RPAP2: variants seen among roughly 807,000 people sequenced by gnomAD.
The protein encoded by RPAP2 is RNA polymerase II associated protein 2.
RPAP2 carries 52 observed loss-of-function variants against 73.1 expected under a neutral mutation model. The observed-to-expected ratio is 0.71, with a 90% CI of 0.57 to 0.90. RPAP2 has a LOEUF of 0.90. Among genes scored for constraint, RPAP2 ranks in the 40% least tolerant of loss-of-function variants. RPAP2 has a pLI of 0.00. For synonymous variants in RPAP2, 225 were observed against 242.1 expected, an observed-to-expected ratio of 0.93 and a Z score of 0.65; for missense variants, 598 against 701.8, an observed-to-expected ratio of 0.85 and a Z score of 1.67.
chr1:92,300,928 CAA>C (rs1650806088), intron 2 of RPAP2, among the ~76,000 whole-genome samples: 1 of 152,002 alleles, frequency 6.6e-6, no homozygotes, highest in African/African-American at 2.4e-5. Context: ...TTAACATAAA[CAA>C]ATACATAATT....
intron 11 of RPAP2, among the ~76,000 whole-genome samples, chr1:92,350,612 A>G (rs1654152734): frequency 6.6e-6 from 1 of 152,234 alleles, no homozygotes; most frequent in Non-Finnish European, 1.5e-5. Flanking sequence ...TTGATGCATG[A>G]CTTTTAATAA....
At chr1:92,313,296 G>A (rs886390435) in intron 6 of RPAP2, among the ~76,000 whole-genome samples, 1 of 152,184 alleles carries the variant, frequency 6.6e-6, no homozygotes, top group African/African-American at 2.4e-5. Flanking sequence ...CTTAAGACTT[G>A]AAAGTTGAAA....
chr1:92,371,652 T>C (rs1655158787), intron 11 of RPAP2, among the ~76,000 whole-genome samples: 1 of 151,732 alleles, frequency 6.6e-6, no homozygotes, highest in African/African-American at 2.4e-5. Context: ...CATAGGTGAA[T>C]CTGGAGGATG....
chr1:92,328,871 G>C (rs1276371583), intron 8 of RPAP2, among the ~76,000 whole-genome samples: 1 of 152,182 alleles, frequency 6.6e-6, no homozygotes, highest in African/African-American at 2.4e-5. Context: ...TTCCCCTAGG[G>C]ATGGGGCTTC....
rs1185689710 is a variant in RPAP2, at chr1:92,401,933, C to T, written c.*14922C>T. ...TTTCCTCTTTGTAAATTGCTGTATTCATTTTAGTTTCTTCAGGATTTTGCC... is the reference window on the plus strand; with the variant it reads ...TTTCCTCTTTGTAAATTGCTGTATTTATTTTAGTTTCTTCAGGATTTTGCC... On this transcript the variant is annotated 3_prime_UTR_variant, in exon 13 of 13. Coordinates refer to ENST00000610020, the MANE Select transcript of RPAP2 (RefSeq NM_024813.3). 1 of 152,130 alleles carries T rather than the reference C, an allele frequency of 6.6e-6. No homozygotes were observed. The highest frequency in any genetic ancestry group is 1.5e-5 in the Non-Finnish European group (1 of 68,020). 9.4% of individuals were successfully genotyped at this position (152,130 alleles called of 1,614,324 possible).
intron 5 of RPAP2, among the ~76,000 whole-genome samples, chr1:92,305,358 G>C (rs557733744): frequency 6.7e-6 from 1 of 148,252 alleles, no homozygotes; most frequent in Non-Finnish European, 1.5e-5. Flanking sequence ...GCGTGAACCC[G>C]GGAGGCGGAG....
intron 11 of RPAP2, among the ~76,000 whole-genome samples, chr1:92,351,853 T>TA (rs1332433382): frequency 2.0e-5 from 3 of 152,176 alleles, no homozygotes. Flanking sequence ...CCAAATTTAA[T>TA]ATAAAAGCTT....
At chr1:92,386,781 A>G (rs1168756367) in intron 12 of RPAP2, among the ~76,000 whole-genome samples, 1 of 151,910 alleles carries the variant, frequency 6.6e-6, no homozygotes, top group African/African-American at 2.4e-5. Flanking sequence ...GCTCACTGCA[A>G]TCTCTGCCTC....
intron 11 of RPAP2, among the ~76,000 whole-genome samples, 195 bp from the exon 12 acceptor site, chr1:92,380,529 A>T (rs1210199969): frequency 6.6e-6 from 1 of 152,200 alleles, no homozygotes; most frequent in East Asian, 1.9e-4. Context: ...CTTCTTTCAT[A>T]CTTAATGTTT....
At chr1:92,326,061 G>C (rs1189453913) in intron 8 of RPAP2, among the ~76,000 whole-genome samples, 1 of 151,604 alleles carries the variant, frequency 6.6e-6, no homozygotes, top group Non-Finnish European at 1.5e-5. Flanking sequence ...GGAATGGTGG[G>C]TTATCGTATA....
chr1:92,365,634 A>C lies in RPAP2; in HGVS notation c.1689-15090A>C, dbSNP rs187152323. 9.8e-5 allele frequency among the ~76,000 whole-genome samples: 15 copies of C among 152,314 alleles called. No homozygotes were observed. The East Asian group carries it at 2.9e-3, about 29-fold the overall frequency. ...ACTTAACCTTTTTTCTAAAATCGTT[A>C]ATAGTTTGAAAGGTTCCTCTTGACT... is the stretch of plus-strand genomic sequence containing the variant. On this transcript the variant is annotated intron_variant, in intron 11 of 12. Coordinates refer to ENST00000610020, the MANE Select transcript of RPAP2 (RefSeq NM_024813.3).
intron 1 of RPAP2, 84 bp downstream of exon 1, chr1:92,299,230 C>T: frequency 5.1e-6 from 4 of 789,934 alleles, no homozygotes; most frequent in Non-Finnish European, 5.6e-6. Context: ...CGCGGGCGCT[C>T]CTGAAAGGCT....
chr1:92,368,411 C>A (rs1655015520), intron 11 of RPAP2, among the ~76,000 whole-genome samples: 2 of 152,120 alleles, frequency 1.3e-5, no homozygotes, highest in South Asian at 4.1e-4. Context: ...TCGTTACTGA[C>A]TTTTATTGTA....
At chr1:92,336,655 GA>G (rs1557609845) in intron 10 of RPAP2, among the ~76,000 whole-genome samples, 2 of 152,014 alleles carry the variant, frequency 1.3e-5, no homozygotes, top group Non-Finnish European at 2.9e-5. Flanking sequence ...TTTATTTACG[GA>G]ATAGCCTAAA....
At chr1:92,342,968 C>G (rs1347690350) in intron 10 of RPAP2, among the ~76,000 whole-genome samples, 1 of 152,138 alleles carries the variant, frequency 6.6e-6, no homozygotes, top group Non-Finnish European at 1.5e-5. Flanking sequence ...ATACAGAAAT[C>G]TAGAATTCAA....
chr1:92,306,590 G>A (rs1468594307), intron 5 of RPAP2, among the ~76,000 whole-genome samples: 1 of 152,054 alleles, frequency 6.6e-6, no homozygotes, highest in South Asian at 2.1e-4. Flanking sequence ...GGCTAGGTAC[G>A]GTGGCTCACA....
rs745697536 is a variant in RPAP2, at chr1:92,324,048, G to C, written c.1128G>C (p.Glu376Asp). ...AAGTTTTGAAGGAGACTTTGATTGA[G>C]TGGAAGACAGAAGAAACATTGAGGT... is the stretch of plus-strand genomic sequence containing the variant. ...LLKVLKETLI[E>D]WKTEETLRFL... Residue 376 changes from glutamate (E) to aspartate (D), a missense_variant, in exon 8 of 13, where the codon GAG (glutamate) becomes GAC (aspartate). Glu to Asp is a conservative substitution (Grantham distance 45). Coordinates refer to ENST00000610020, the MANE Select transcript of RPAP2 (RefSeq NM_024813.3). The C allele has an allele frequency of 1.2e-6, 2 of 1,613,912 alleles. No homozygotes were observed. The highest frequency in any genetic ancestry group is 2.7e-5 in the African/African-American group (2 of 74,898).
chr1:92,320,241 T>C (rs1055976046), intron 6 of RPAP2, among the ~76,000 whole-genome samples: 1 of 152,088 alleles, frequency 6.6e-6, no homozygotes, highest in Non-Finnish European at 1.5e-5. Context: ...AGATTTCTTG[T>C]TGATGAATTT....
At chr1:92,307,768 T>A (rs1651340290) in intron 6 of RPAP2, among the ~76,000 whole-genome samples, 1 of 151,968 alleles carries the variant, frequency 6.6e-6, no homozygotes, top group South Asian at 2.1e-4. Context: ...ATGCTGGAGT[T>A]TAGCCTCTTG....
Sources: allele counts gnomAD v4.1 joint callset (sites outside exome capture counted in the v4.1 genomes callset), GRCh38; gene constraint gnomAD v4.1.1; transcripts MANE v1.5; gene names NCBI Gene and HGNC (gene_info 2026-07-23, HGNC 2026-07-21).